RBFOX1: variants seen among roughly 807,000 people sequenced by gnomAD.
The protein encoded by RBFOX1 is RNA binding protein fox-1 homolog 1.
A neutral mutation model predicts 57.7 loss-of-function variants in RBFOX1; 8 were observed. The observed-to-expected ratio is 0.14, with a 90% CI of 0.08 to 0.25. RBFOX1 has a LOEUF of 0.25. Among genes scored for constraint, RBFOX1 ranks in the 10% least tolerant of loss-of-function variants. The pLI, the probability that RBFOX1 is intolerant of heterozygous loss-of-function variation, is 1.00. For missense variants in RBFOX1, 611 were observed against 548.5 expected, an observed-to-expected ratio of 1.11 and a Z score of -1.14; for synonymous variants, 326 against 222.4, an observed-to-expected ratio of 1.47 and a Z score of -4.15.
intron 2 of RBFOX1, among the ~76,000 whole-genome samples, chr16:6,521,068 A>T (rs1299139503): frequency 6.6e-6 from 1 of 152,192 alleles, no homozygotes; most frequent in African/African-American, 2.4e-5. Context: ...AAGCAATTCC[A>T]CGCACAGGAA....
intron 2 of RBFOX1, among the ~76,000 whole-genome samples, chr16:6,396,150 C>G (rs553013567): frequency 1.3e-5 from 2 of 149,842 alleles, no homozygotes; most frequent in Non-Finnish European, 3.0e-5. Context: ...GTAATCCTAT[C>G]ATAGATAGCA....
chr16:5,386,376 C>A (rs766296884), intron 1 of RBFOX1, among the ~76,000 whole-genome samples: 1 of 152,054 alleles, frequency 6.6e-6, no homozygotes, highest in Non-Finnish European at 1.5e-5. Flanking sequence ...AAAAGGTAGA[C>A]GGCCTCAGGT....
intron 3 of RBFOX1, among the ~76,000 whole-genome samples, chr16:6,803,009 C>G (rs2085859288): frequency 6.6e-6 from 1 of 152,174 alleles, no homozygotes; most frequent in Non-Finnish European, 1.5e-5. Flanking sequence ...AGTCTTTTAG[C>G]TGCCTTGCTA....
intron 3 of RBFOX1, among the ~76,000 whole-genome samples, chr16:6,825,672 G>A (rs1291486518): frequency 6.6e-6 from 1 of 152,248 alleles, no homozygotes; most frequent in Non-Finnish European, 1.5e-5. Context: ...AGGAGTCTTG[G>A]ATAGGTAACA....
chr16:7,016,895 G>C (rs575699716), intron 3 of RBFOX1, among the ~76,000 whole-genome samples: 2 of 152,254 alleles, frequency 1.3e-5, no homozygotes, highest in South Asian at 4.1e-4. Context: ...ACTTGACCCT[G>C]TGTACCAACC....
At chr16:6,478,417 ATATATATATATATTTT>A (rs1269738675) in intron 2 of RBFOX1, among the ~76,000 whole-genome samples, 609 of 16,442 alleles carry the variant, frequency 0.037, 20 homozygotes, top group African/African-American at 0.12. Flanking sequence ...ATATATATAT[ATATATATATATATTTT>A]TTTTTTTTTT....
chr16:5,558,101 C>T (rs1346106374), intron 2 of RBFOX1, among the ~76,000 whole-genome samples: 1 of 152,184 alleles, frequency 6.6e-6, no homozygotes, highest in Non-Finnish European at 1.5e-5. Flanking sequence ...ACTCCCATCA[C>T]TCAATAATAC....
In RBFOX1 at chr16:6,444,689, T is replaced by C. The variant is rs78375794; in HGVS notation, c.-64+127632T>C. On this transcript the variant is annotated intron_variant, in intron 2 of 15. Transcript: ENST00000550418. The stretch of plus-strand genomic sequence containing the variant: ...TATCAGCAGGGTTAAAATGGACTAA[T>C]ACAAGGCACAATAAGAAGAAAAGGC... Among the ~76,000 whole-genome samples the C allele has an allele frequency of 9.3e-3, 1,409 of 152,090 alleles. 21 individuals carry two copies. Among genetic ancestry groups the C allele is most frequent in the African/African-American group, 0.029 (1,219 of 41,474 alleles).
chr16:6,918,492 A>C (rs1474365847), intron 3 of RBFOX1, among the ~76,000 whole-genome samples: 1 of 152,170 alleles, frequency 6.6e-6, no homozygotes. Flanking sequence ...TTGTTAATTA[A>C]ATTAATGTCT....
chr16:6,640,702 G>T (rs982313050), intron 2 of RBFOX1, among the ~76,000 whole-genome samples: 74 of 151,944 alleles, frequency 4.9e-4, no homozygotes, highest in Admixed American at 1.3e-4. Context: ...GAAACACTGG[G>T]CAAATACTTG....
chr16:6,016,833 G>A (rs979638551), upstream of RBFOX1, among the ~76,000 whole-genome samples: 5 of 152,176 alleles, frequency 3.3e-5, no homozygotes, highest in Admixed American at 2.6e-4. Flanking sequence ...TACTTGGAAT[G>A]CGAAAGGTCA....
chr16:5,514,018 C>G, intron 2 of RBFOX1, among the ~76,000 whole-genome samples: 1 of 152,092 alleles, frequency 6.6e-6, no homozygotes, highest in Middle Eastern at 3.2e-3. Context: ...TACCCAGATA[C>G]CTGGTGTTTA....
chr16:7,465,446 G>T (rs8063687), intron 4 of RBFOX1, among the ~76,000 whole-genome samples: 1 of 152,208 alleles, frequency 6.6e-6, no homozygotes, highest in East Asian at 1.9e-4. Flanking sequence ...GGAATGACTT[G>T]GGAGCAGCAC....
intron 3 of RBFOX1, among the ~76,000 whole-genome samples, chr16:6,670,411 T>C (rs2098756938): frequency 1.3e-5 from 2 of 152,170 alleles, no homozygotes; most frequent in Non-Finnish European, 2.9e-5. Flanking sequence ...GATTGAGTTT[T>C]CATGTTGATT....
intron 3 of RBFOX1, among the ~76,000 whole-genome samples, chr16:6,784,268 T>A (rs2081532264): frequency 6.6e-6 from 1 of 152,144 alleles, no homozygotes; most frequent in African/African-American, 2.4e-5. Context: ...CGTTTTTAGG[T>A]TATTTTCTAA....
At chr16:6,735,642 A>G (rs2154177890) in intron 3 of RBFOX1, among the ~76,000 whole-genome samples, 1 of 152,312 alleles carries the variant, frequency 6.6e-6, no homozygotes, top group South Asian at 2.1e-4. Context: ...TGGATCGATC[A>G]CAAAATGTTT....
At chr16:6,350,008 T>C (rs2086022124) in intron 2 of RBFOX1, among the ~76,000 whole-genome samples, 1 of 152,166 alleles carries the variant, frequency 6.6e-6, no homozygotes, top group African/African-American at 2.4e-5. Context: ...AAGAGACTTT[T>C]ACTATTAATT....
At chr16:7,092,635 G>A (rs2061049018) in intron 4 of RBFOX1, among the ~76,000 whole-genome samples, 2 of 152,204 alleles carry the variant, frequency 1.3e-5, no homozygotes, top group African/African-American at 4.8e-5. Flanking sequence ...TATTTGTTCA[G>A]TGGGTTGGTT....
intron 2 of RBFOX1, among the ~76,000 whole-genome samples, chr16:5,559,611 C>CT (rs534074056): frequency 1.5e-4 from 23 of 152,314 alleles, no homozygotes; most frequent in Admixed American, 1.0e-3. Flanking sequence ...AAAGGCGCCC[C>CT]TCCACCTGGG....
Sources: allele counts gnomAD v4.1 joint callset (sites outside exome capture counted in the v4.1 genomes callset), GRCh38; gene constraint gnomAD v4.1.1; transcripts MANE v1.5; gene names NCBI Gene and HGNC (gene_info 2026-07-23, HGNC 2026-07-21).